RICTOR: variants seen among roughly 807,000 people sequenced by gnomAD.
RICTOR encodes RPTOR independent companion of MTOR complex 2.
In RICTOR, 49 loss-of-function variants were observed where a neutral mutation model predicts 214.9. The ratio of observed to expected loss-of-function variants is 0.23; its 90% CI spans 0.18 to 0.29. RICTOR has a LOEUF of 0.29. Among genes scored for constraint, RICTOR ranks in the 10% least tolerant of loss-of-function variants. The probability of loss-of-function intolerance (pLI) is 1.00; values close to 1 mark genes in which losing one functional copy is unlikely to be tolerated. For synonymous variants in RICTOR, 717 were observed against 711.3 expected (o/e 1.01, Z -0.13); for missense variants, 1,625 against 2,047.0 (o/e 0.79, Z 3.98).
chr5:39,035,668 G>A (rs1481522895), intron 2 of RICTOR, among the ~76,000 whole-genome samples: 3 of 152,328 alleles, frequency 2.0e-5, no homozygotes, highest in East Asian at 1.9e-4. Context: ...AGAACGTGAC[G>A]AAGGCACAAG....
At chr5:39,040,408 T>TTC (rs1218834714) in intron 2 of RICTOR, among the ~76,000 whole-genome samples, 2 of 152,116 alleles carry the variant, frequency 1.3e-5, no homozygotes, top group African/African-American at 4.8e-5. Flanking sequence ...ATGGCACATG[T>TTC]GTACATATGT....
At chr5:39,064,681 A>G (rs1758778084) in intron 2 of RICTOR, among the ~76,000 whole-genome samples, 1 of 152,204 alleles carries the variant, frequency 6.6e-6, no homozygotes, top group Non-Finnish European at 1.5e-5. Flanking sequence ...CAGGTGGATC[A>G]CTTAAAAGGA....
rs887240929 is a variant in RICTOR at position 39,074,015 on chromosome 5, C to A, written c.97+96G>T. The A allele has an allele frequency of 2.0e-5, 18 of 884,148 alleles. No individual in the cohort carries two copies. In the African/African-American group the frequency reaches 3.0e-4, roughly 15 times the overall value. 54.8% of individuals were successfully genotyped at this position (884,148 alleles called of 1,614,324 possible). On this transcript the variant is annotated intron_variant, in intron 2 of 37. Coordinates refer to ENST00000357387, the MANE Select transcript of RICTOR (RefSeq NM_152756.5). ...GCTCTGGCCCCCGCACCCCGCCGGT[C>A]CCGTGCGGGGCCCGCCCCTGCCTCT...
chr5:38,985,674 T>C (rs1469484708), intron 7 of RICTOR, among the ~76,000 whole-genome samples: 1 of 152,108 alleles, frequency 6.6e-6, no homozygotes, highest in Admixed American at 6.5e-5. Context: ...GTTTAGCCCT[T>C]TCATGCCTTT....
chr5:39,037,141 C>T (rs1247402540), intron 2 of RICTOR, among the ~76,000 whole-genome samples: 2 of 152,114 alleles, frequency 1.3e-5, no homozygotes, highest in African/African-American at 4.8e-5. Flanking sequence ...TGCAATCAAA[C>T]TAGAACTCAG....
Position 38,940,131 on chromosome 5 carries a change from A to T in RICTOR, c.*2173T>A. The T allele has an allele frequency of 6.4e-6, 1 of 156,928 alleles. No homozygotes were observed. Among genetic ancestry groups the T allele is most frequent in the Non-Finnish European group, 1.2e-5 (1 of 82,068 alleles). The allele number at this position is 156,928 out of a possible 1,614,324, so 9.7% of individuals were successfully genotyped here. On this transcript the variant is annotated 3_prime_UTR_variant, in exon 38 of 38. Transcript: ENST00000357387. ...CATACATATTTTTCAAAGTAACAGTAAAAAAAAAAAACAAAAAAAAAAACA... is the reference window on the plus strand; with the variant it reads ...CATACATATTTTTCAAAGTAACAGTTAAAAAAAAAAACAAAAAAAAAAACA...
chr5:39,021,022 A>G lies in RICTOR; in HGVS notation c.195+17T>C, dbSNP rs773025584. 6 of 1,219,454 alleles carry G rather than the reference A, an allele frequency of 4.9e-6. No individual in the cohort carries two copies. The highest frequency in any genetic ancestry group is 7.3e-6 in the Non-Finnish European group (6 of 820,100). 75.5% of individuals were successfully genotyped at this position (1,219,454 alleles called of 1,614,324 possible). On this transcript the variant is annotated intron_variant, in intron 3 of 37. Transcript: ENST00000357387. ...AACAAAGAATTTTAGACAATAATAA[A>G]AATTCAAGTTACTTACCTTAGTAAA...
intron 19 of RICTOR, among the ~76,000 whole-genome samples, chr5:38,961,880 T>C (rs1266526550): frequency 6.6e-6 from 1 of 152,108 alleles, no homozygotes; most frequent in Non-Finnish European, 1.5e-5. Flanking sequence ...GTGTTCTTCA[T>C]GCTACAAACA....
Position 38,941,018 on chromosome 5 carries a change from T to C in RICTOR, c.*1286A>G, listed in dbSNP as rs1353156809. ...ATATAGATCTCAAAAAAGATAATCC[T>C]TTCATTTACAAGCATTCAAATGATG... On this transcript the variant is annotated 3_prime_UTR_variant, in exon 38 of 38. Transcript: ENST00000357387. The C allele has an allele frequency of 4.3e-6, 1 of 232,780 alleles. No homozygotes were observed. Among genetic ancestry groups the C allele is most frequent in the African/African-American group, 2.2e-5 (1 of 45,320 alleles). The allele number at this position is 232,780 out of a possible 1,614,324, so 14.4% of individuals were successfully genotyped here.
Position 38,963,056 on chromosome 5 carries a change from A to T in RICTOR, c.1401-15T>A, listed in dbSNP as rs1464824398. On this transcript the variant is annotated splice_polypyrimidine_tract_variant and intron_variant, in intron 16 of 37. Transcript: ENST00000357387. Reference sequence around the variant, plus strand: ...CACTGGCTCGCCTAATGAGAAAAACAATTCAATCAATACAGTAGCAAGACC... The same window carrying T: ...CACTGGCTCGCCTAATGAGAAAAACTATTCAATCAATACAGTAGCAAGACC... The T allele has an allele frequency of 6.3e-7, 1 of 1,594,834 alleles. No individual in the cohort carries two copies. Among genetic ancestry groups the T allele is most frequent in the Non-Finnish European group, 8.6e-7 (1 of 1,167,920 alleles).
At position 38,949,760 on chromosome 5, in the gene RICTOR, G is replaced by GT. The variant is rs1561443606; in HGVS notation, c.4087dup (p.Thr1363AsnfsTer10). The stretch of plus-strand genomic sequence containing the variant: ...AAAACTGTTGGCCTTCATGGTGATG[G>GT]TATCAGTAAATAGCACATCTTTTGC... On this transcript the variant is annotated frameshift_variant, in exon 31 of 38. Transcript: ENST00000357387. LOFTEE classifies it high-confidence loss of function. 1 of 1,613,320 alleles carries GT rather than the reference G, an allele frequency of 6.2e-7. No homozygotes were observed. Among genetic ancestry groups the GT allele is most frequent in the Admixed American group, 1.7e-5 (1 of 59,916 alleles).
intron 5 of RICTOR, among the ~76,000 whole-genome samples, chr5:39,001,416 A>C (rs992731540): frequency 6.6e-6 from 1 of 152,088 alleles, no homozygotes; most frequent in East Asian, 1.9e-4. Flanking sequence ...TCTATCTCAT[A>C]TCTTACACAA....
chr5:38,965,057 CATATCT>C (rs1452351640), intron 15 of RICTOR, among the ~76,000 whole-genome samples, 165 bp from the exon 16 acceptor site: 1 of 151,872 alleles, frequency 6.6e-6, no homozygotes, highest in Non-Finnish European at 1.5e-5. Context: ...ATATTTTTAT[CATATCT>C]ATAATACTTT....
Position 38,952,361 on chromosome 5 carries a change from G to A in RICTOR, c.2962C>T (p.His988Tyr). The A allele has an allele frequency of 6.2e-7, 1 of 1,612,934 alleles. No homozygotes were observed. Among genetic ancestry groups the A allele is most frequent in the Non-Finnish European group, 8.5e-7 (1 of 1,179,288 alleles). The change falls in exon 30 of 38, where the codon CAC (histidine) becomes TAC (tyrosine). Residue 988 changes from histidine (H) to tyrosine (Y), a missense_variant. Around this residue, in one of 5 missense-constraint regions of RICTOR, gnomAD observed 1,214 missense variants for 1,470.5 expected, o/e 0.83. Coordinates refer to ENST00000357387, the MANE Select transcript of RICTOR (RefSeq NM_152756.5). ...CTATGCCTCACAGCATCCCAGTTGTGACATTTTAGAATATCACAGCCTTGT... is the reference window on the plus strand; with the variant it reads ...CTATGCCTCACAGCATCCCAGTTGTAACATTTTAGAATATCACAGCCTTGT... ...TKQGCDILKC[H>Y]NWDAVRHSRK...
At position 38,957,701 on chromosome 5, in the gene RICTOR, T is replaced by C. The variant is rs1749391097; in HGVS notation, c.2450A>G (p.Tyr817Cys). The C allele has an allele frequency of 6.3e-7, 1 of 1,592,492 alleles. No homozygotes were observed. The highest frequency in any genetic ancestry group is 1.7e-4 in the Middle Eastern group (1 of 5,994). The stretch of plus-strand genomic sequence containing the variant: ...TGCTACATAACCTCTTTCATTCAGA[T>C]AGGAAAATCCTTTTGGAATGGAGAG... ...RFLSIPKGFS[Y>C]LNERGYVAKQ... Residue 817 changes from tyrosine to cysteine, a missense_variant, in exon 25 of 38, where the codon TAT becomes TGT. Coordinates refer to ENST00000357387, the MANE Select transcript of RICTOR (RefSeq NM_152756.5).
At chr5:38,990,711 T>TATG (rs1485776921) in intron 7 of RICTOR, among the ~76,000 whole-genome samples, 2 of 119,740 alleles carry the variant, frequency 1.7e-5, no homozygotes, top group African/African-American at 6.2e-5. Context: ...TCAGATATGA[T>TATG]ATATATGATA....
chr5:38,943,167 T>TTA (rs1554058623), intron 36 of RICTOR, 196 bp from the exon 37 acceptor site: 1,406 of 413,378 alleles, frequency 3.4e-3, no homozygotes, highest in Middle Eastern at 6.1e-3. Context: ...GGTTTTTTTT[T>TTA]AAAAAAAATG....
chr5:38,940,130 TA>T lies in RICTOR; in HGVS notation c.*2173del, dbSNP rs1554057737. Reference sequence around the variant, plus strand: ...ACATACATATTTTTCAAAGTAACAGTAAAAAAAAAAAACAAAAAAAAAAACA... The same window carrying T: ...ACATACATATTTTTCAAAGTAACAGTAAAAAAAAAAACAAAAAAAAAAACA... On this transcript the variant is annotated 3_prime_UTR_variant, in exon 38 of 38. Coordinates refer to ENST00000357387, the MANE Select transcript of RICTOR (RefSeq NM_152756.5). 938 of 84,128 alleles carry T rather than the reference TA, an allele frequency of 0.011. No homozygotes were observed. The highest frequency in any genetic ancestry group is 0.014 in the Non-Finnish European group (642 of 46,416). The allele number at this position is 84,128 out of a possible 1,614,324, so 5.2% of individuals were successfully genotyped here.
At chr5:38,960,233 C>T (rs1451525438) in intron 20 of RICTOR, among the ~76,000 whole-genome samples, 165 bp downstream of exon 20, 1 of 151,936 alleles carries the variant, frequency 6.6e-6, no homozygotes, top group Non-Finnish European at 1.5e-5. Context: ...TAACTAGTGA[C>T]TAAGTCGGGA....
Sources: allele counts gnomAD v4.1 joint callset (sites outside exome capture counted in the v4.1 genomes callset), GRCh38; gene constraint gnomAD v4.1.1; regional missense constraint gnomAD v4.1.1; transcripts MANE v1.5; gene names NCBI Gene and HGNC (gene_info 2026-07-23, HGNC 2026-07-21).